The following MIS18BP1 variants were observed in gnomAD, a reference collection of about 807,000 sequenced individuals.
MIS18BP1 encodes mis18-binding protein 1.
A neutral mutation model predicts 116.1 loss-of-function variants in MIS18BP1; 72 were observed. The observed-to-expected ratio is 0.62, with a 90% CI of 0.51 to 0.75. The LOEUF is 0.75. Among genes scored for constraint, MIS18BP1 ranks in the 30% least tolerant of loss-of-function variants. MIS18BP1 has a pLI of 0.00. For synonymous variants in MIS18BP1, 386 were observed against 427.0 expected (o/e 0.90, Z 1.18); for missense variants, 1,363 against 1,303.2 (o/e 1.05, Z -0.71).
rs141774158 is a variant in MIS18BP1 at position 45,209,471 on chromosome 14, G to A, written c.3152+909C>T. 2.0e-4 allele frequency among the ~76,000 whole-genome samples: 31 copies of A among 152,146 alleles called. No individual in the cohort carries two copies. The East Asian group carries it at 4.8e-3, about 24-fold the overall frequency. On this transcript the variant is annotated intron_variant, in intron 14 of 16. Coordinates refer to ENST00000310806, the MANE Select transcript of MIS18BP1 (RefSeq NM_018353.5). ...GCCTCCCTAGTAGCTAGGGCCACAG[G>A]CTTGCCCCACTGCATCCTGCTAACA... is the stretch of plus-strand genomic sequence containing the variant.
rs1166603559 is a variant in MIS18BP1, at chr14:45,237,634, A to T, written c.1217+14T>A. 6.3e-7 allele frequency: 1 copy of T among 1,587,142 alleles called. No homozygotes were observed. The highest frequency in any genetic ancestry group is 1.4e-5 in the African/African-American group (1 of 73,246). On this transcript the variant is annotated intron_variant, in intron 5 of 16. Coordinates refer to ENST00000310806, the MANE Select transcript of MIS18BP1 (RefSeq NM_018353.5). ...TAAAGTTTTATTAAAAGAATAATGA[A>T]ATAGTATACTTACATCAATTTTCCT...
At chr14:45,221,042 G>C (rs1594508256) in intron 11 of MIS18BP1, among the ~76,000 whole-genome samples, 2 of 152,246 alleles carry the variant, frequency 1.3e-5, no homozygotes, top group Admixed American at 1.3e-4. Context: ...GGCTGAGGCA[G>C]GAGAATTGCT....
At chr14:45,216,839 G>C (rs1890831471) in intron 13 of MIS18BP1, among the ~76,000 whole-genome samples, 180 bp downstream of exon 13, 1 of 152,150 alleles carries the variant, frequency 6.6e-6, no homozygotes, top group Non-Finnish European at 1.5e-5. Flanking sequence ...CTGAAGTGCA[G>C]ACTCTAGAAA....
At chr14:45,246,181 C>A (rs1243294276) in intron 2 of MIS18BP1, among the ~76,000 whole-genome samples, 1 of 152,086 alleles carries the variant, frequency 6.6e-6, no homozygotes, top group Non-Finnish European at 1.5e-5. Context: ...TGCTCAAAAC[C>A]CTCCGATGGC....
intron 14 of MIS18BP1, chr14:45,210,110 G>GTTTTT: frequency 4.3e-6 from 1 of 232,688 alleles, no homozygotes; most frequent in Non-Finnish European, 8.0e-6. Context: ...GGTTTCTTTA[G>GTTTTT]TTTTTTTTTT....
chr14:45,224,262 T>G lies in MIS18BP1; in HGVS notation c.2325A>C (p.Glu775Asp). 7 of 1,613,938 alleles carry G rather than the reference T, an allele frequency of 4.3e-6. No homozygotes were observed. Among genetic ancestry groups the G allele is most frequent in the Non-Finnish European group, 5.9e-6 (7 of 1,179,990 alleles). ...HQSSPDLSSE[E>D]SETEKEIKRK... is the part of the protein sequence containing the mutation. Reference sequence around the variant, plus strand: ...TTTTAATTTCCTTTTCTGTTTCACTTTCTTCACTTGACAAATCTGGTGAGG... The same window carrying G: ...TTTTAATTTCCTTTTCTGTTTCACTGTCTTCACTTGACAAATCTGGTGAGG... Residue 775 changes from glutamate (E) to aspartate (D), a missense_variant, in exon 11 of 17, where the codon GAA becomes GAC. Physicochemically the swap from Glu to Asp is conservative, Grantham distance 45. Coordinates refer to ENST00000310806, the MANE Select transcript of MIS18BP1 (RefSeq NM_018353.5).
intron 5 of MIS18BP1, among the ~76,000 whole-genome samples, chr14:45,237,184 T>A (rs533033932): frequency 1.3e-5 from 2 of 152,282 alleles, no homozygotes; most frequent in South Asian, 4.1e-4. Flanking sequence ...GGTGATGCTC[T>A]CACTTTAGGG....
In MIS18BP1 at chr14:45,217,389, A is replaced by G. The variant is rs550548146; in HGVS notation, c.2843-210T>C. On this transcript the variant is annotated intron_variant, in intron 12 of 16. Transcript: ENST00000310806. ...GAATGCTTGAGCCCAGGAGTTCAAG[A>G]ACTGCCTGGGCAATATAGTGAGACC... Among the ~76,000 whole-genome samples, 6 of 152,280 alleles carry G rather than the reference A, an allele frequency of 3.9e-5. No individual in the cohort carries two copies. The South Asian group carries it at 1.2e-3, about 32-fold the overall frequency.
chr14:45,213,843 A>AAG (rs1381003751), intron 13 of MIS18BP1, among the ~76,000 whole-genome samples: 1 of 152,242 alleles, frequency 6.6e-6, no homozygotes, highest in African/African-American at 2.4e-5. Context: ...GTTAATCTGT[A>AAG]ACCTTAGCCC....
In MIS18BP1 at chr14:45,247,892, A is replaced by AT. The variant is rs200578252; in HGVS notation, c.-91-516dup. ...AATTAGTTAATAATACCCAATCCTG[A>AT]TTTTTTATGCTCCAGAGCATTTACA... On this transcript the variant is annotated intron_variant, in intron 1 of 16. Coordinates refer to ENST00000310806, the MANE Select transcript of MIS18BP1 (RefSeq NM_018353.5). Among the ~76,000 whole-genome samples the AT allele has an allele frequency of 8.6e-3, 1,314 of 152,062 alleles. 19 individuals carry two copies. Among genetic ancestry groups the AT allele is most frequent in the African/African-American group, 0.028 (1,172 of 41,454 alleles).
Position 45,224,155 on chromosome 14 carries a change from C to T in MIS18BP1, c.2432G>A (p.Ser811Asn). The T allele has an allele frequency of 6.2e-7, 1 of 1,613,872 alleles. No homozygotes were observed. Among genetic ancestry groups the T allele is most frequent in the Non-Finnish European group, 8.5e-7 (1 of 1,179,950 alleles). The stretch of plus-strand genomic sequence containing the variant: ...AGGTTCCAAAATCACTGGAATATTA[C>T]TTGTGTTTCTTGTGCTCTTTCTCAG... ...VHLRKSTRNT[S>N]NIPVILEPET... Residue 811 changes from serine (S) to asparagine (N), a missense_variant, in exon 11 of 17, where the codon AGT (serine) becomes AAT (asparagine). Transcript: ENST00000310806.
chr14:45,222,234 A>T (rs191412015), intron 11 of MIS18BP1, among the ~76,000 whole-genome samples: 136 of 152,260 alleles, frequency 8.9e-4, no homozygotes, highest in Non-Finnish European at 1.7e-3. Flanking sequence ...TAATTTAATT[A>T]TGTTGGATTT....
intron 6 of MIS18BP1, among the ~76,000 whole-genome samples, chr14:45,234,477 C>T (rs918183992): frequency 5.9e-5 from 9 of 152,018 alleles, no homozygotes; most frequent in South Asian, 2.1e-4. Context: ...ATAATAAAAG[C>T]AGGTGTTAAT....
intron 1 of MIS18BP1, among the ~76,000 whole-genome samples, chr14:45,250,338 A>G (rs1272801739): frequency 6.6e-6 from 1 of 152,080 alleles, no homozygotes; most frequent in African/African-American, 2.4e-5. Flanking sequence ...CAGAATAGAT[A>G]AACAAGAAAA....
At chr14:45,249,400 T>C (rs960529531) in intron 1 of MIS18BP1, among the ~76,000 whole-genome samples, 1 of 152,022 alleles carries the variant, frequency 6.6e-6, no homozygotes, top group Admixed American at 6.6e-5. Context: ...TTACATTTTT[T>C]TGTAGAGACA....
At chr14:45,243,188 CCA>C (rs1305298485) in intron 2 of MIS18BP1, among the ~76,000 whole-genome samples, 1 of 152,100 alleles carries the variant, frequency 6.6e-6, no homozygotes, top group Non-Finnish European at 1.5e-5. Flanking sequence ...TCTGGTGCTG[CCA>C]CAAATTGGAT....
intron 1 of MIS18BP1, among the ~76,000 whole-genome samples, chr14:45,251,775 C>T (rs1042136074): frequency 1.3e-5 from 2 of 152,176 alleles, no homozygotes; most frequent in Non-Finnish European, 2.9e-5. Context: ...GGCCAATAAA[C>T]GAGTTGTGAC....
At chr14:45,236,756 C>T (rs980815811) in intron 5 of MIS18BP1, among the ~76,000 whole-genome samples, 2 of 152,152 alleles carry the variant, frequency 1.3e-5, no homozygotes, top group African/African-American at 4.8e-5. Context: ...TTCATTTAAT[C>T]CTCAGCACAA....
intron 12 of MIS18BP1, among the ~76,000 whole-genome samples, chr14:45,217,534 C>A (rs1890856361): frequency 1.3e-5 from 2 of 151,984 alleles, no homozygotes; most frequent in Admixed American, 1.3e-4. Context: ...GGGATTTGTG[C>A]AATATGATTA....
Sources: gnomAD v4.1 joint callset for allele counts (sites outside exome capture counted in the v4.1 genomes callset) on GRCh38, gnomAD v4.1.1 for gene constraint, MANE v1.5 for transcripts, NCBI Gene and HGNC (gene_info 2026-07-23, HGNC 2026-07-21) for gene names.